Variants in LRRC8C observed in about 807,000 individuals in gnomAD.
LRRC8C encodes the protein volume-regulated anion channel subunit LRRC8C.
Under a neutral mutation model 55.3 loss-of-function variants are expected in LRRC8C, and 20 were observed. The ratio of observed to expected loss-of-function variants is 0.36; its 90% confidence interval spans 0.25 to 0.53. The LOEUF is 0.53. Ranked by LOEUF, LRRC8C falls within the 20% of genes least tolerant of loss-of-function variation. The pLI is 0.92. For missense variants in LRRC8C, 659 were observed against 951.4 expected (o/e 0.69, Z 4.04); for synonymous variants, 376 against 360.7 (o/e 1.04, Z -0.48).
At chr1:89,709,527 C>T (rs1234327245) in intron 2 of LRRC8C, among the ~76,000 whole-genome samples, 1 of 152,142 alleles carries the variant, frequency 6.6e-6, no homozygotes, top group African/African-American at 2.4e-5. Context: ...ACCTAAAATC[C>T]TGTACAGCAG....
Position 89,715,233 on chromosome 1 carries a change from T to G in LRRC8C, c.*251T>G, listed in dbSNP as rs995621111. On this transcript the variant is annotated 3_prime_UTR_variant, in exon 3 of 3. Coordinates refer to ENST00000370454, the MANE Select transcript of LRRC8C (RefSeq NM_032270.5). The stretch of plus-strand genomic sequence containing the variant: ...CAGAAAGAGATAGTTCCATTTGGTT[T>G]TTTGTTTTTGTTTTTTAGTTCATTC... 1 of 266,200 alleles carries G rather than the reference T, an allele frequency of 3.8e-6. No homozygotes were observed. The highest frequency in any genetic ancestry group is 6.9e-6 in the Non-Finnish European group (1 of 144,704). 16.5% of individuals were successfully genotyped at this position (266,200 alleles called of 1,614,324 possible). A position where few individuals can be genotyped will look rare whatever the true frequency, so the allele number is the denominator to read the frequency against.
chr1:89,676,844 A>G (rs1359366744), intron 1 of LRRC8C, among the ~76,000 whole-genome samples: 2 of 152,220 alleles, frequency 1.3e-5, no homozygotes, highest in East Asian at 1.9e-4. Flanking sequence ...GTGAGTGTAT[A>G]TGTGGGTGAG....
chr1:89,638,718 C>T (rs1056927104), intron 1 of LRRC8C, among the ~76,000 whole-genome samples: 1 of 152,026 alleles, frequency 6.6e-6, no homozygotes, highest in African/African-American at 2.4e-5. Flanking sequence ...TTTCTAGTCC[C>T]AATTTTACAT....
At chr1:89,663,083 T>C (rs1026921528) in intron 1 of LRRC8C, among the ~76,000 whole-genome samples, 2 of 152,236 alleles carry the variant, frequency 1.3e-5, no homozygotes, top group Non-Finnish European at 2.9e-5. Flanking sequence ...TTTGGTTTTC[T>C]GTTCTTGTGT....
chr1:89,625,241 T>C, the LRRC8C span: 7 of 150,308 alleles, frequency 4.7e-5, no homozygotes, highest in Non-Finnish European at 8.8e-5. Context: ...TTAATATCTA[T>C]GTATAAAATT....
At chr1:89,631,938 G>A (rs754854255), upstream of LRRC8C, 1 of 152,212 alleles carries the variant, frequency 6.6e-6, no homozygotes, top group African/African-American at 2.4e-5. Context: ...AAAAGGAGGC[G>A]ACTGTTTTCT....
chr1:89,676,407 C>T (rs1283721942), intron 1 of LRRC8C: 1 of 152,214 alleles, frequency 6.6e-6, no homozygotes, highest in Non-Finnish European at 1.5e-5. Context: ...CTTCTTTCCT[C>T]ATCTCAAACA....
At chr1:89,685,268 G>A (rs976572475) in intron 1 of LRRC8C, among the ~76,000 whole-genome samples, 47 of 144,254 alleles carry the variant, frequency 3.3e-4, no homozygotes, top group Non-Finnish European at 4.2e-4. Flanking sequence ...ACAGGCGCCC[G>A]CCACCGCGCC....
chr1:89,716,262 A>G lies in LRRC8C; in HGVS notation c.*1280A>G, dbSNP rs1658814859. The G allele has an allele frequency of 6.6e-6, 1 of 152,200 alleles. No homozygotes were observed. The highest frequency in any genetic ancestry group is 2.4e-5 in the African/African-American group (1 of 41,444). The allele number at this position is 152,200 out of a possible 1,614,324, so 9.4% of individuals were successfully genotyped here. ...CACCATTTTATGTCAAGGATTTTGAACATCCTCAGATTTTGGTGTTCGAGG... is the reference window on the plus strand; with the variant it reads ...CACCATTTTATGTCAAGGATTTTGAGCATCCTCAGATTTTGGTGTTCGAGG... On this transcript the variant is annotated 3_prime_UTR_variant, in exon 3 of 3. Coordinates refer to ENST00000370454, the MANE Select transcript of LRRC8C (RefSeq NM_032270.5).
chr1:89,617,486 G>C, the LRRC8C span, among the ~76,000 whole-genome samples: 1 of 152,180 alleles, frequency 6.6e-6, no homozygotes, highest in Admixed American at 6.5e-5. Context: ...ATCATTTTGT[G>C]GTCCTGGGCA....
At chr1:89,640,503 T>G (rs1308584567) in intron 1 of LRRC8C, among the ~76,000 whole-genome samples, 1 of 152,228 alleles carries the variant, frequency 6.6e-6, no homozygotes, top group Non-Finnish European at 1.5e-5. Flanking sequence ...TAAATGTAAC[T>G]TCTGGGAAAA....
chr1:89,625,613 T>C, the LRRC8C span, among the ~76,000 whole-genome samples: 4 of 152,212 alleles, frequency 2.6e-5, no homozygotes, highest in African/African-American at 9.6e-5. Context: ...CATGTGCGCA[T>C]GGCTACGGCA....
the LRRC8C span, among the ~76,000 whole-genome samples, chr1:89,624,551 A>G: frequency 2.0e-5 from 3 of 152,156 alleles, no homozygotes; most frequent in East Asian, 5.8e-4. Flanking sequence ...GAGAATGGAT[A>G]CTCTTTGTCC....
At chr1:89,675,124 C>T (rs775986685) in intron 1 of LRRC8C, among the ~76,000 whole-genome samples, 2 of 152,170 alleles carry the variant, frequency 1.3e-5, no homozygotes, top group African/African-American at 2.4e-5. Flanking sequence ...AAACAAGCTA[C>T]ATTTCTTGTC....
intron 2 of LRRC8C, among the ~76,000 whole-genome samples, chr1:89,701,333 G>A (rs557900836): frequency 2.0e-5 from 3 of 152,042 alleles, no homozygotes; most frequent in East Asian, 1.9e-4. Flanking sequence ...AAAATTAGCC[G>A]GGCGTGGTGG....
At chr1:89,704,519 A>C (rs1016686764) in intron 2 of LRRC8C, among the ~76,000 whole-genome samples, 10 of 152,282 alleles carry the variant, frequency 6.6e-5, no homozygotes, top group East Asian at 3.9e-4. Flanking sequence ...TTATTTGTTT[A>C]TGTATTATAT....
chr1:89,635,925 A>G (rs558603189), intron 1 of LRRC8C, among the ~76,000 whole-genome samples: 51 of 152,366 alleles, frequency 3.3e-4, no homozygotes, highest in Admixed American at 7.8e-4. Context: ...GATCACTCAT[A>G]AAAGCATATT....
At chr1:89,646,804 C>A (rs937845563) in intron 1 of LRRC8C, among the ~76,000 whole-genome samples, 1 of 152,068 alleles carries the variant, frequency 6.6e-6, no homozygotes, top group Non-Finnish European at 1.5e-5. Context: ...AGTAGAACTA[C>A]TTTTCTTTAT....
chr1:89,712,771 C>G lies in LRRC8C; in HGVS notation c.201C>G (p.Ser67=). 2 of 1,614,190 alleles carry G rather than the reference C, an allele frequency of 1.2e-6. No individual in the cohort carries two copies. Among genetic ancestry groups the G allele is most frequent in the East Asian group, 4.5e-5 (2 of 44,880 alleles). Residue 67 remains serine, a synonymous_variant, in exon 3 of 3, where the codon TCC becomes TCG. Transcript: ENST00000370454. ...TGCAGCCTGCTCAGAACCACTCTTC[C>G]CTTTCGAATGTCTCTCAAGCAGTTG... The part of the protein sequence containing the change: ...KRVQPAQNHS[S]LSNVSQAVAS...
Sources: gnomAD v4.1 joint callset for allele counts (sites outside exome capture counted in the v4.1 genomes callset) on GRCh38, gnomAD v4.1.1 for gene constraint, MANE v1.5 for transcripts, NCBI Gene and HGNC (gene_info 2026-07-23, HGNC 2026-07-21) for gene names.